DHX57: variants seen among roughly 807,000 people sequenced by gnomAD.
DHX57 encodes putative ATP-dependent RNA helicase DHX57.
A neutral mutation model predicts 156.2 loss-of-function variants in DHX57; 105 were observed. The ratio of observed to expected loss-of-function variants is 0.67; its 90% CI spans 0.57 to 0.79. DHX57 has a LOEUF of 0.79. Among genes scored for constraint, DHX57 ranks in the 30% least tolerant of loss-of-function variants. The pLI is 0.00. For missense variants in DHX57, 1,847 were observed against 1,661.9 expected, an observed-to-expected ratio of 1.11 and a Z score of -1.94; for synonymous variants, 704 against 595.6, an observed-to-expected ratio of 1.18 and a Z score of -2.65.
Position 38,825,968 on chromosome 2 carries a change from C to T in DHX57, c.2893G>A (p.Ala965Thr). Residue 965 changes from alanine (A) to threonine (T), a missense_variant, in exon 16 of 24, where the codon GCA (alanine) becomes ACA (threonine). Coordinates refer to ENST00000457308, the MANE Select transcript of DHX57 (RefSeq NM_198963.3). ...CAGACCCCAGATGCAACACGGCCTG[C>T]TCGGCCTTTCCTTTGTAGAGCATTA... ...QANALQRKGR[A>T]GRVASGVCFH... 6.2e-7 allele frequency: 1 copy of T among 1,614,214 alleles called. No individual in the cohort carries two copies. Among genetic ancestry groups the T allele is most frequent in the Non-Finnish European group, 8.5e-7 (1 of 1,180,038 alleles).
Position 38,868,322 on chromosome 2 carries a change from A to G in DHX57, c.84T>C (p.Ser28=). ...CACTCCCATGAGATTTACTGGCGTG[A>G]CTCCTGCCTCCTCTTCCTCCTCTAG... The part of the protein sequence containing the change: ...GSSRGGRGGR[S]HASKSHGSGG... Residue 28 remains serine, a synonymous_variant, in exon 2 of 24, where the codon AGT becomes AGC. Transcript: ENST00000457308. 2 of 1,608,450 alleles carry G rather than the reference A, an allele frequency of 1.2e-6. No homozygotes were observed. Among genetic ancestry groups the G allele is most frequent in the Non-Finnish European group, 1.7e-6 (2 of 1,177,588 alleles).
chr2:38,816,013 TTCCAAC>T, intron 19 of DHX57: 1 of 406,324 alleles, frequency 2.5e-6, no homozygotes, highest in South Asian at 2.0e-5. Context: ...TTGACTGGAA[TTCCAAC>T]TCCAAGTGCT....
intron 15 of DHX57, 46 bp downstream of exon 15, chr2:38,826,470 T>G (rs1671090644): frequency 6.3e-7 from 1 of 1,594,432 alleles, no homozygotes; most frequent in Non-Finnish European, 8.6e-7. Flanking sequence ...TCTCCCTAAA[T>G]GAAGCATTTT....
Position 38,861,216 on chromosome 2 carries a change from C to T in DHX57, c.1194G>A (p.Leu398=). 3 of 1,614,090 alleles carry T rather than the reference C, an allele frequency of 1.9e-6. No individual in the cohort carries two copies. Among genetic ancestry groups the T allele is most frequent in the South Asian group, 1.1e-5 (1 of 91,060 alleles). ...HISEFLYDKA[L]TFAETSEPVV... ...CAGGTTCCGAAGTTTCCGCAAATGT[C>T]AAGGCCTTGTCATAAAGAAACTCAG... Residue 398 remains leucine, a synonymous_variant, in exon 5 of 24, where the codon TTG becomes TTA. Coordinates refer to ENST00000457308, the MANE Select transcript of DHX57 (RefSeq NM_198963.3).
intron 21 of DHX57, chr2:38,811,642 C>G (rs1670254420): frequency 7.6e-6 from 10 of 1,310,108 alleles, no homozygotes; most frequent in Non-Finnish European, 1.1e-5. Context: ...ACCATGGAGC[C>G]TTTGCTGAAC....
At chr2:38,801,385 T>C (rs908532190) in intron 23 of DHX57, among the ~76,000 whole-genome samples, 3 of 150,312 alleles carry the variant, frequency 2.0e-5, no homozygotes, top group African/African-American at 7.4e-5. Flanking sequence ...ATTACGGGTG[T>C]CCACCTGAAG....
chr2:38,810,710 T>C (rs1670199744), intron 21 of DHX57: 4 of 764,004 alleles, frequency 5.2e-6, no homozygotes, highest in South Asian at 1.3e-5. Flanking sequence ...CAGAAACCGG[T>C]GTACACCAAC....
chr2:38,846,361 A>G (rs1175080995), intron 11 of DHX57, among the ~76,000 whole-genome samples: 1 of 151,986 alleles, frequency 6.6e-6, no homozygotes, highest in African/African-American at 2.4e-5. Context: ...GTGGCTCATG[A>G]CTGTAATCCC....
chr2:38,817,268 C>T (rs145417988), intron 19 of DHX57, among the ~76,000 whole-genome samples: 2 of 152,030 alleles, frequency 1.3e-5, no homozygotes, highest in African/African-American at 2.4e-5. Flanking sequence ...TGCAAAGATG[C>T]GTGCCATCAT....
intron 21 of DHX57, among the ~76,000 whole-genome samples, chr2:38,813,128 G>A (rs1001781559): frequency 4.6e-5 from 7 of 152,098 alleles, no homozygotes; most frequent in Non-Finnish European, 8.8e-5. Flanking sequence ...TTACAGGCGT[G>A]AGCCACCATG....
intron 21 of DHX57, among the ~76,000 whole-genome samples, chr2:38,812,564 G>A (rs572558384): frequency 6.6e-6 from 1 of 152,248 alleles, no homozygotes; most frequent in East Asian, 1.9e-4. Flanking sequence ...ACGGAGTTTC[G>A]CTCTAGTCGC....
chr2:38,860,565 G>C (rs1246894214), intron 5 of DHX57, among the ~76,000 whole-genome samples: 2 of 152,154 alleles, frequency 1.3e-5, no homozygotes, highest in Admixed American at 1.3e-4. Flanking sequence ...AAGAATTCTG[G>C]GGGTCTAGTA....
chr2:38,858,218 C>T (rs755367482), intron 6 of DHX57, among the ~76,000 whole-genome samples: 11 of 152,246 alleles, frequency 7.2e-5, no homozygotes, highest in Middle Eastern at 3.4e-3. Flanking sequence ...CCTGCCACCA[C>T]GCCCGGCTAA....
At chr2:38,811,117 C>T in intron 21 of DHX57, 1 of 551,088 alleles carries the variant, frequency 1.8e-6, no homozygotes, top group Non-Finnish European at 3.4e-6. Context: ...GGCTGATGTG[C>T]ATGAGGTTCT....
intron 13 of DHX57, among the ~76,000 whole-genome samples, chr2:38,835,965 T>C (rs561872380): frequency 6.6e-6 from 1 of 152,270 alleles, no homozygotes; most frequent in South Asian, 2.1e-4. Flanking sequence ...ACCAGGGGAA[T>C]TAACAGAAGA....
chr2:38,854,053 C>A lies in DHX57; in HGVS notation c.2030+1G>T. The A allele has an allele frequency of 6.2e-7, 1 of 1,605,776 alleles. No individual in the cohort carries two copies. Among genetic ancestry groups the A allele is most frequent in the Admixed American group, 1.7e-5 (1 of 58,632 alleles). ...GTTCCCTGGGAAAGTCTTTGTTTTACCTTTCTTCTGTCCTCTCATGAACTT... is the reference window on the plus strand; with the variant it reads ...GTTCCCTGGGAAAGTCTTTGTTTTAACTTTCTTCTGTCCTCTCATGAACTT... On this transcript the variant is annotated splice_donor_variant, in intron 9 of 23. Transcript: ENST00000457308. LOFTEE classifies it high-confidence loss of function.
At position 38,873,064 on chromosome 2, in the gene DHX57, A is replaced by T. The variant is rs550047021; in HGVS notation, c.-7+2723T>A. ...GTGCAGTGGCACAATCTTGGCTCAC[A>T]GCAACCTCCGCCTCCCAGGTTCAAG... is the stretch of plus-strand genomic sequence containing the variant. On this transcript the variant is annotated intron_variant, in intron 1 of 23. Coordinates refer to ENST00000457308, the MANE Select transcript of DHX57 (RefSeq NM_198963.3). Among the ~76,000 whole-genome samples, 67 of 151,802 alleles carry T rather than the reference A, an allele frequency of 4.4e-4. 1 individual carries two copies. Among genetic ancestry groups the T allele is most frequent in the South Asian group, 1.5e-3 (7 of 4,808 alleles).
At chr2:38,815,291 C>T (rs1670468733) in intron 20 of DHX57, among the ~76,000 whole-genome samples, 1 of 152,004 alleles carries the variant, frequency 6.6e-6, no homozygotes, top group South Asian at 2.1e-4. Context: ...TCTCGAACTC[C>T]TGAGCTCAAG....
chr2:38,865,547 G>C (rs1167850783), intron 2 of DHX57, among the ~76,000 whole-genome samples: 3 of 152,130 alleles, frequency 2.0e-5, no homozygotes, highest in Admixed American at 2.0e-4. Flanking sequence ...CGTGAGAATG[G>C]ACTAATACAG....
Sources: gnomAD v4.1 joint callset for allele counts (sites outside exome capture counted in the v4.1 genomes callset) on GRCh38, gnomAD v4.1.1 for gene constraint, MANE v1.5 for transcripts, NCBI Gene and HGNC (gene_info 2026-07-23, HGNC 2026-07-21) for gene names.